The following TENM3 variants were observed in gnomAD, a reference collection of about 807,000 sequenced individuals.
TENM3 encodes the protein teneurin-3.
A neutral mutation model predicts 255.1 loss-of-function variants in TENM3; 63 were observed. That is an observed-to-expected ratio of 0.25 (90% CI 0.20 to 0.30). The LOEUF (loss-of-function observed/expected upper bound fraction) is 0.30. TENM3 is among the 10% of genes least tolerant of loss of function. The probability of loss-of-function intolerance (pLI) is 1.00; values close to 1 mark genes in which losing one functional copy is unlikely to be tolerated. For missense variants in TENM3, 2,929 were observed against 3,461.1 expected (o/e 0.85, Z 3.86); for synonymous variants, 1,306 against 1,322.3 (o/e 0.99, Z 0.27).
chr4:181,957,427 A>C, the TENM3 span, among the ~76,000 whole-genome samples: 1 of 152,200 alleles, frequency 6.6e-6, no homozygotes, highest in African/African-American at 2.4e-5. Context: ...TGAAACGTGC[A>C]ATCTATTTTC....
In TENM3 at chr4:182,754,360, C is replaced by T. The variant is rs1439244010; in HGVS notation, c.4018-25C>T. 1 of 1,549,252 alleles carries T rather than the reference C, an allele frequency of 6.5e-7. No homozygotes were observed. The highest frequency in any genetic ancestry group is 8.7e-7 in the Non-Finnish European group (1 of 1,145,018). On this transcript the variant is annotated intron_variant, in intron 21 of 27. Transcript: ENST00000511685. The surrounding 1 kb of genome is among the most constrained non-coding windows in gnomAD (Gnocchi z 5.1). ...TAACTGTAGTGCAGTAACTTACTAA[C>T]CAGGCCATTTCTTTTTTTATTAAGG... is the stretch of plus-strand genomic sequence containing the variant.
chr4:182,230,400 G>T (rs1756481372), intron 1 of TENM3, among the ~76,000 whole-genome samples: 1 of 152,128 alleles, frequency 6.6e-6, no homozygotes, highest in South Asian at 2.1e-4. Context: ...CTAGGATGGG[G>T]ACGTGACGTT....
rs541280819 is a variant in TENM3, at chr4:182,665,711, G to T, written c.1112-7294G>T. Among the ~76,000 whole-genome samples the T allele has an allele frequency of 3.7e-3, 561 of 152,030 alleles. 3 individuals carry two copies. The highest frequency in any genetic ancestry group is 0.013 in the African/African-American group (533 of 41,464). On this transcript the variant is annotated intron_variant, in intron 6 of 27. Coordinates refer to ENST00000511685, the MANE Select transcript of TENM3 (RefSeq NM_001080477.4). The stretch of plus-strand genomic sequence containing the variant: ...GAGATCGAGACCATCCTGGTTAACA[G>T]GGTGAAACCCCGTCTCTACAAAAAA...
At chr4:182,669,296 G>A (rs957055108) in intron 6 of TENM3, among the ~76,000 whole-genome samples, 61 of 152,032 alleles carry the variant, frequency 4.0e-4, no homozygotes, top group African/African-American at 7.7e-4. Flanking sequence ...GTGAGATGGA[G>A]TCTCACTCTG....
At chr4:182,110,356 G>A in the TENM3 span, among the ~76,000 whole-genome samples, 4 of 151,682 alleles carry the variant, frequency 2.6e-5, no homozygotes, top group African/African-American at 4.8e-5. Flanking sequence ...ACAGGGTCTC[G>A]CTCTGTCACC....
intron 3 of TENM3, among the ~76,000 whole-genome samples, chr4:182,440,263 C>A (rs1772367047): frequency 6.6e-6 from 1 of 151,970 alleles, no homozygotes; most frequent in African/African-American, 2.4e-5. Flanking sequence ...AGGCACGCAC[C>A]ACCACGCCCA....
At chr4:181,568,002 A>G in the TENM3 span, among the ~76,000 whole-genome samples, 1 of 152,094 alleles carries the variant, frequency 6.6e-6, no homozygotes, top group South Asian at 2.1e-4. Flanking sequence ...AAAATCATAT[A>G]TTACATCAGA....
chr4:182,160,053 A>T (rs1192208674), intron 1 of TENM3, among the ~76,000 whole-genome samples: 1 of 148,296 alleles, frequency 6.7e-6, no homozygotes, highest in Admixed American at 6.8e-5. Flanking sequence ...CCCAGGCTGG[A>T]GTGCAGCGGT....
Position 182,753,442 on chromosome 4 carries a change from A to C in TENM3, c.3863-8A>C, listed in dbSNP as rs556287255. On this transcript the variant is annotated splice_polypyrimidine_tract_variant and splice_region_variant and intron_variant, in intron 20 of 27. Coordinates refer to ENST00000511685, the MANE Select transcript of TENM3 (RefSeq NM_001080477.4). ...AAAATTAGTAATACTTGCTTCTCTC[A>C]AATACAGGAATGGCAGTTGATAAGA... 2 of 1,610,984 alleles carry C rather than the reference A, an allele frequency of 1.2e-6. No individual in the cohort carries two copies. The highest frequency in any genetic ancestry group is 2.7e-5 in the African/African-American group (2 of 74,960).
rs542548739 is a variant in TENM3, at chr4:182,561,977, TAGATAGAC to T, written c.512-38939_512-38932del. On this transcript the variant is annotated intron_variant, in intron 3 of 27. Coordinates refer to ENST00000511685, the MANE Select transcript of TENM3 (RefSeq NM_001080477.4). ...ACAATACTGTGTATATCCAGATAGA[TAGATAGAC>T]AGATAGATAGATAGATAGATAGATA... is the stretch of plus-strand genomic sequence containing the variant. 1.7e-3 allele frequency among the ~76,000 whole-genome samples: 237 copies of T among 138,596 alleles called. No individual in the cohort carries two copies. In the East Asian group the frequency reaches 0.028, roughly 17 times the overall value. The allele number at this position is 138,596 out of a possible 152,430, so 90.9% of individuals were successfully genotyped here.
the TENM3 span, among the ~76,000 whole-genome samples, chr4:181,526,985 C>T: frequency 2.0e-5 from 3 of 152,140 alleles, no homozygotes; most frequent in Non-Finnish European, 4.4e-5. Flanking sequence ...ATCCTACGGC[C>T]CTTCCCAACT....
At chr4:182,472,099 G>C (rs1733182672) in intron 3 of TENM3, among the ~76,000 whole-genome samples, 2 of 152,106 alleles carry the variant, frequency 1.3e-5, no homozygotes. Context: ...CTATAAATTA[G>C]TTCTCCATTC....
chr4:181,813,844 T>C, the TENM3 span, among the ~76,000 whole-genome samples: 1 of 152,002 alleles, frequency 6.6e-6, no homozygotes, highest in African/African-American at 2.4e-5. Flanking sequence ...TTTCAAATAA[T>C]AGTGGGTAAA....
At chr4:181,571,935 A>G in the TENM3 span, among the ~76,000 whole-genome samples, 1 of 152,156 alleles carries the variant, frequency 6.6e-6, no homozygotes, top group African/African-American at 2.4e-5. Flanking sequence ...AAAAGAGAAT[A>G]TATGTATATA....
At chr4:181,697,583 G>A in the TENM3 span, among the ~76,000 whole-genome samples, 1 of 151,944 alleles carries the variant, frequency 6.6e-6, no homozygotes. Flanking sequence ...TAGTAGAGAA[G>A]GGGTTTCACC....
intron 1 of TENM3, among the ~76,000 whole-genome samples, chr4:182,163,562 G>A (rs1275829708): frequency 1.3e-5 from 2 of 152,184 alleles, no homozygotes; most frequent in Admixed American, 6.5e-5. Context: ...CCCCCATGCT[G>A]CTATAGTGTT....
At chr4:182,796,311 T>C (rs898401949) in intron 26 of TENM3, among the ~76,000 whole-genome samples, 1 of 152,230 alleles carries the variant, frequency 6.6e-6, no homozygotes, top group African/African-American at 2.4e-5. Flanking sequence ...TACAAGTATG[T>C]CTCTCTCCTG....
At chr4:182,494,968 A>G (rs776634538) in intron 3 of TENM3, among the ~76,000 whole-genome samples, 11 of 152,214 alleles carry the variant, frequency 7.2e-5, no homozygotes, top group Non-Finnish European at 1.3e-4. Flanking sequence ...ACCAAGTGGT[A>G]CCAAGTTCAT....
intron 6 of TENM3, among the ~76,000 whole-genome samples, chr4:182,655,695 A>C (rs192212150): frequency 1.2e-4 from 19 of 152,314 alleles, no homozygotes; most frequent in Non-Finnish European, 2.5e-4. Flanking sequence ...GTTTGGAAGA[A>C]AAAAGAACAT....
Sources: allele counts gnomAD v4.1 joint callset (sites outside exome capture counted in the v4.1 genomes callset), GRCh38; gene constraint gnomAD v4.1.1; non-coding constraint Gnocchi (gnomAD v3.1); transcripts MANE v1.5; gene names NCBI Gene and HGNC (gene_info 2026-07-23, HGNC 2026-07-21).